The following BLTP3A variants were observed in gnomAD, a reference collection of about 807,000 sequenced individuals.
The protein encoded by BLTP3A is bridge-like lipid transfer protein family member 3A.
At chr6:34,801,008 C>T in the BLTP3A span, among the ~76,000 whole-genome samples, 6 of 152,160 alleles carry the variant, frequency 3.9e-5, no homozygotes, top group Non-Finnish European at 7.4e-5. Context: ...GGATTACAGG[C>T]GTGAGATTAC....
the BLTP3A span, among the ~76,000 whole-genome samples, chr6:34,828,004 C>T: frequency 1.0e-3 from 157 of 152,170 alleles, no homozygotes; most frequent in African/African-American, 2.0e-3. Flanking sequence ...TTATTTTTAG[C>T]TATGTAAAAT....
chr6:34,858,792 T>C, the BLTP3A span: 2 of 1,614,074 alleles, frequency 1.2e-6, no homozygotes, highest in Non-Finnish European at 1.7e-6. Context: ...AGCTGGAGGA[T>C]GTAGCAGATG....
chr6:34,853,136 C>CATCT, the BLTP3A span, among the ~76,000 whole-genome samples: 44 of 152,262 alleles, frequency 2.9e-4, no homozygotes, highest in East Asian at 7.7e-3. Flanking sequence ...TGTGATCACT[C>CATCT]ATCTGATTTT....
the BLTP3A span, among the ~76,000 whole-genome samples, chr6:34,808,415 A>G: frequency 1.3e-5 from 2 of 151,868 alleles, no homozygotes; most frequent in Non-Finnish European, 2.9e-5. Context: ...CAGAGAATTA[A>G]TATAATCAAA....
chr6:34,821,204 C>T, the BLTP3A span, among the ~76,000 whole-genome samples: 1 of 152,176 alleles, frequency 6.6e-6, no homozygotes, highest in African/African-American at 2.4e-5. Context: ...GATCCACCCG[C>T]CTTGGCCTCC....
the BLTP3A span, among the ~76,000 whole-genome samples, chr6:34,830,687 A>G: frequency 6.6e-6 from 1 of 152,170 alleles, no homozygotes; most frequent in Non-Finnish European, 1.5e-5. Context: ...TAGTGCTGCT[A>G]TGAACCTTCT....
the BLTP3A span, among the ~76,000 whole-genome samples, chr6:34,793,923 CAAA>C: frequency 0.02 from 2,504 of 123,450 alleles, 73 homozygotes; most frequent in African/African-American, 0.058. Context: ...TTCAAGGGTA[CAAA>C]AAAAAAAAAA....
chr6:34,819,310 C>G, the BLTP3A span, among the ~76,000 whole-genome samples: 16 of 127,660 alleles, frequency 1.3e-4, 1 homozygote, highest in Admixed American at 1.1e-3. Context: ...CCCCCTCCCC[C>G]CACCCCACCA....
At chr6:34,859,597 T>C in the BLTP3A span, 1 of 1,609,270 alleles carries the variant, frequency 6.2e-7, no homozygotes, top group Non-Finnish European at 8.5e-7. Flanking sequence ...CCTCCTTCAC[T>C]CATCCCATCT....
chr6:34,838,114 CATTTT>C, the BLTP3A span, among the ~76,000 whole-genome samples: 15 of 152,268 alleles, frequency 9.9e-5, no homozygotes, highest in African/African-American at 3.6e-4. Flanking sequence ...TTAGATGAGA[CATTTT>C]ATTTTATTTT....
At chr6:34,841,173 T>A in the BLTP3A span, among the ~76,000 whole-genome samples, 1 of 151,964 alleles carries the variant, frequency 6.6e-6, no homozygotes, top group Non-Finnish European at 1.5e-5. Flanking sequence ...TTTTTTTGAT[T>A]CTCACACCTC....
the BLTP3A span, chr6:34,858,760 G>C: frequency 1.5e-5 from 25 of 1,614,176 alleles, no homozygotes; most frequent in Non-Finnish European, 1.8e-5. Context: ...TAGTGGTATG[G>C]ACAACAAAGG....
the BLTP3A span, chr6:34,855,602 A>G: frequency 2.5e-6 from 4 of 1,612,330 alleles, no homozygotes; most frequent in Non-Finnish European, 3.4e-6. Flanking sequence ...ATTCACCTGT[A>G]TTTTTATTTT....
At chr6:34,803,692 T>G in the BLTP3A span, among the ~76,000 whole-genome samples, 1 of 152,198 alleles carries the variant, frequency 6.6e-6, no homozygotes, top group Admixed American at 6.5e-5. Context: ...CAGTTTGTTT[T>G]TGTTTTTCCA....
the BLTP3A span, among the ~76,000 whole-genome samples, chr6:34,804,276 G>C: frequency 6.6e-6 from 1 of 152,134 alleles, no homozygotes; most frequent in Non-Finnish European, 1.5e-5. Context: ...CCCAGACCCT[G>C]AGCTACCTTT....
At chr6:34,818,634 T>C in the BLTP3A span, among the ~76,000 whole-genome samples, 1 of 152,118 alleles carries the variant, frequency 6.6e-6, no homozygotes, top group Admixed American at 6.6e-5. Context: ...ACCTCTCAAC[T>C]TGAGAAATAA....
chr6:34,832,263 G>A, the BLTP3A span, among the ~76,000 whole-genome samples: 5 of 151,976 alleles, frequency 3.3e-5, no homozygotes, highest in East Asian at 9.6e-4. Flanking sequence ...TGGGACCAAA[G>A]GCATGCACCA....
the BLTP3A span, among the ~76,000 whole-genome samples, chr6:34,862,083 A>T: frequency 1.3e-5 from 2 of 152,214 alleles, no homozygotes; most frequent in African/African-American, 2.4e-5. Flanking sequence ...TCTTTAGAAT[A>T]AAAACCAAAA....
the BLTP3A span, among the ~76,000 whole-genome samples, chr6:34,819,380 A>C: frequency 3.6e-5 from 5 of 139,580 alleles, no homozygotes; most frequent in Non-Finnish European, 6.0e-5. Flanking sequence ...GGGTTATGCT[A>C]TGAGGAACTG....
Sources: gnomAD v4.1 joint callset for allele counts (sites outside exome capture counted in the v4.1 genomes callset) on GRCh38, gnomAD v4.1.1 for gene constraint, MANE v1.5 for transcripts, NCBI Gene and HGNC (gene_info 2026-07-23, HGNC 2026-07-21) for gene names.